PDE3A: variants seen among roughly 807,000 people sequenced by gnomAD.
The protein encoded by PDE3A is cGMP-inhibited 3',5'-cyclic phosphodiesterase 3A.
A neutral mutation model predicts 98.3 loss-of-function variants in PDE3A; 43 were observed. The ratio of observed to expected loss-of-function variants is 0.44; its 90% CI spans 0.34 to 0.56. PDE3A has a LOEUF of 0.56. Ranked by LOEUF, PDE3A falls within the 20% of genes least tolerant of loss-of-function variation. PDE3A has a pLI of 0.01. For missense variants in PDE3A, 1,427 were observed against 1,440.7 expected (o/e 0.99, Z 0.15); for synonymous variants, 663 against 567.9 (o/e 1.17, Z -2.38).
At chr12:20,525,174 T>C (rs768788118) in intron 1 of PDE3A, among the ~76,000 whole-genome samples, 7 of 152,172 alleles carry the variant, frequency 4.6e-5, no homozygotes, top group Non-Finnish European at 8.8e-5. Context: ...TCCGGAGCCT[T>C]GGGCAAGTTA....
intron 15 of PDE3A, among the ~76,000 whole-genome samples, chr12:20,668,583 A>G (rs11045379): frequency 0.68 from 103,266 of 152,032 alleles, 35,299 homozygotes; most frequent in East Asian, 0.79. Context: ...CCCCCAGTAG[A>G]GGAACACTGA....
chr12:20,467,539 T>A (rs879676224), intron 1 of PDE3A, among the ~76,000 whole-genome samples: 1 of 152,152 alleles, frequency 6.6e-6, no homozygotes, highest in Non-Finnish European at 1.5e-5. Flanking sequence ...ATTAAAAACA[T>A]TGAAATATAC....
At chr12:20,395,919 T>A (rs1419367660) in intron 1 of PDE3A, among the ~76,000 whole-genome samples, 1 of 151,928 alleles carries the variant, frequency 6.6e-6, no homozygotes, top group Non-Finnish European at 1.5e-5. Context: ...GGACAGGATA[T>A]TGCTGTGTCA....
At chr12:20,486,712 C>T (rs1229255075) in intron 1 of PDE3A, among the ~76,000 whole-genome samples, 1 of 152,220 alleles carries the variant, frequency 6.6e-6, no homozygotes, top group Non-Finnish European at 1.5e-5. Context: ...CAATCCACTG[C>T]AACCCCCGCC....
chr12:20,548,297 A>G (rs1406033555), intron 1 of PDE3A, among the ~76,000 whole-genome samples: 1 of 152,082 alleles, frequency 6.6e-6, no homozygotes, highest in African/African-American at 2.4e-5. Context: ...TCAGACGGAA[A>G]GATTTTATTT....
Position 20,686,373 on chromosome 12 carries a change from G to T in PDE3A, c.*6102G>T, listed in dbSNP as rs886375584. Among the ~76,000 whole-genome samples the T allele has an allele frequency of 3.9e-5, 6 of 152,014 alleles. No homozygotes were observed. The highest frequency in any genetic ancestry group is 1.4e-4 in the African/African-American group (6 of 41,418). On this transcript the variant is annotated 3_prime_UTR_variant, in exon 16 of 16. Coordinates refer to ENST00000359062, the MANE Select transcript of PDE3A (RefSeq NM_000921.5). ...TATTTTACTAAGTTCTAACACAAAA[G>T]GCCAAATACTTATCTTTCCTACTAA...
At chr12:20,387,398 A>G (rs914259685) in intron 1 of PDE3A, among the ~76,000 whole-genome samples, 7 of 151,972 alleles carry the variant, frequency 4.6e-5, no homozygotes, top group South Asian at 4.1e-4. Context: ...GATTCTCCCT[A>G]TCTATGAGCA....
intron 2 of PDE3A, among the ~76,000 whole-genome samples, chr12:20,585,537 A>G (rs112121692): frequency 2.7e-4 from 41 of 152,316 alleles, no homozygotes; most frequent in African/African-American, 9.6e-4. Context: ...TGTCCTCACC[A>G]TTTGCCAACT....
chr12:20,403,622 G>T (rs73235853), intron 1 of PDE3A, among the ~76,000 whole-genome samples: 2,800 of 152,092 alleles, frequency 0.018, 78 homozygotes, highest in African/African-American at 0.064. Flanking sequence ...TAAAGAGAAT[G>T]AAGTCATTTA....
rs189787269 is a variant in PDE3A at position 20,636,752 on chromosome 12, T to C, written c.2002-348T>C. Among the ~76,000 whole-genome samples, 632 of 152,298 alleles carry C rather than the reference T, an allele frequency of 4.1e-3. 8 individuals carry two copies. The highest frequency in any genetic ancestry group is 0.015 in the African/African-American group (606 of 41,568). On this transcript the variant is annotated intron_variant, in intron 8 of 15. Coordinates refer to ENST00000359062, the MANE Select transcript of PDE3A (RefSeq NM_000921.5). ...AAATTTACATGTAATTTCAGAATATTCTGAAGTCTTTAAAACTTTATTTAA... is the reference window on the plus strand; with the variant it reads ...AAATTTACATGTAATTTCAGAATATCCTGAAGTCTTTAAAACTTTATTTAA...
At chr12:20,669,772 T>C (rs1207615496) in intron 15 of PDE3A, among the ~76,000 whole-genome samples, 1 of 150,352 alleles carries the variant, frequency 6.7e-6, no homozygotes, top group Non-Finnish European at 1.5e-5. Flanking sequence ...CCATCGAGAC[T>C]AGGAAGAAAC....
chr12:20,668,616 C>T (rs1945386872), intron 15 of PDE3A, among the ~76,000 whole-genome samples: 1 of 152,114 alleles, frequency 6.6e-6, no homozygotes, highest in African/African-American at 2.4e-5. Context: ...CAGGGTACTC[C>T]AACAGACCTG....
chr12:20,369,515 G>C lies in PDE3A; in HGVS notation c.231G>C (p.Leu77=), dbSNP rs79716763. ...CCCTGTCCTTTCTGCTGGCGCTGCTGGTGAGGCTGGTCCGCGGGGAGGTCG... is the reference window on the plus strand; with the variant it reads ...CCCTGTCCTTTCTGCTGGCGCTGCTCGTGAGGCTGGTCCGCGGGGAGGTCG... ...AGSLSFLLAL[L]VRLVRGEVGC... is the part of the protein sequence containing the mutation. Residue 77 remains leucine (L), a synonymous_variant, in exon 1 of 16, where the codon CTG becomes CTC. Transcript: ENST00000359062. 4 of 1,560,478 alleles carry C rather than the reference G, an allele frequency of 2.6e-6. No individual in the cohort carries two copies. In the South Asian group the frequency reaches 4.7e-5, roughly 18 times the overall value.
chr12:20,546,716 AAAAC>A (rs2121237746), intron 1 of PDE3A, among the ~76,000 whole-genome samples: 2 of 152,172 alleles, frequency 1.3e-5, no homozygotes, highest in East Asian at 3.9e-4. Context: ...TGACTCTTGA[AAAAC>A]AAAACCCATA....
At chr12:20,587,229 G>A (rs574342929) in intron 2 of PDE3A, among the ~76,000 whole-genome samples, 18 of 152,168 alleles carry the variant, frequency 1.2e-4, no homozygotes, top group African/African-American at 3.9e-4. Context: ...TTAGCCAGGC[G>A]AGGTGGTTGC....
chr12:20,368,845 A>AGCCCGCCCTGC lies in PDE3A; in HGVS notation c.-435_-425dup. On this transcript the variant is annotated 5_prime_UTR_variant, in exon 1 of 16. An upstream open reading frame in the 5' UTR loses its in-frame stop. Transcript: ENST00000359062. ...CGAGCTGCGCCTCGGAATGGCCCGG[A>AGCCCGCCCTGC]GCCCGCCCTGCGCCCCCGGCTCCTC... is the stretch of plus-strand genomic sequence containing the variant. Among the ~76,000 whole-genome samples, 1 of 151,828 alleles carries AGCCCGCCCTGC rather than the reference A, an allele frequency of 6.6e-6. No homozygotes were observed. The highest frequency in any genetic ancestry group is 1.5e-5 in the Non-Finnish European group (1 of 67,966).
chr12:20,596,903 G>A (rs567641396), intron 2 of PDE3A, among the ~76,000 whole-genome samples: 3 of 152,204 alleles, frequency 2.0e-5, no homozygotes, highest in South Asian at 2.1e-4. Flanking sequence ...ATAGCAAATT[G>A]GCAAGGATAT....
chr12:20,542,960 A>G (rs1218898711), intron 1 of PDE3A, among the ~76,000 whole-genome samples: 22 of 152,094 alleles, frequency 1.4e-4, no homozygotes, highest in Non-Finnish European at 4.4e-5. Flanking sequence ...GAAATAATAA[A>G]TGAGGCCTTT....
At chr12:20,541,036 A>ATATTATTG (rs1254387728) in intron 1 of PDE3A, among the ~76,000 whole-genome samples, 2 of 132,998 alleles carry the variant, frequency 1.5e-5, no homozygotes, top group Non-Finnish European at 3.2e-5. Context: ...TATTAAGTGT[A>ATATTATTG]TATTATTGAC....
Sources: gnomAD v4.1 joint callset for allele counts (sites outside exome capture counted in the v4.1 genomes callset) on GRCh38, gnomAD v4.1.1 for gene constraint, MANE v1.5 for transcripts, NCBI Gene and HGNC (gene_info 2026-07-23, HGNC 2026-07-21) for gene names.